PCDH11X: variants seen among roughly 807,000 people sequenced by gnomAD.
The protein encoded by PCDH11X is protocadherin 11 X-linked, also known as protocadherin-11 X-linked.
Under a neutral mutation model 53.3 loss-of-function variants are expected in PCDH11X, and 18 were observed. That is an observed-to-expected ratio of 0.34 (90% CI 0.23 to 0.50). The LOEUF (loss-of-function observed/expected upper bound fraction) is 0.50, where lower values mean the gene tolerates loss of function less well. Among genes scored for constraint, PCDH11X ranks in the 20% least tolerant of loss-of-function variants. PCDH11X has a pLI of 0.98. For missense variants in PCDH11X, 570 were observed against 1,032.4 expected (o/e 0.55, Z 6.14); for synonymous variants, 279 against 393.3 (o/e 0.71, Z 3.44).
chrX:92,096,583 A>C (rs924511611), intron 6 of PCDH11X, among the ~76,000 whole-genome samples: 1 of 110,331 alleles, frequency 9.1e-6, no homozygotes, highest in African/African-American at 3.3e-5. Flanking sequence ...AAAGAAAAAG[A>C]GGTTTAATGG....
intron 7 of PCDH11X, among the ~76,000 whole-genome samples, chrX:92,203,769 G>T (rs2066430703): frequency 8.9e-6 from 1 of 112,008 alleles, no homozygotes; most frequent in South Asian, 3.7e-4. Context: ...ATCATAGGGA[G>T]TGCTGAAGCT....
intron 10 of PCDH11X, among the ~76,000 whole-genome samples, chrX:92,575,971 C>A (rs1345172696): frequency 5.7e-5 from 2 of 35,011 alleles, no homozygotes; most frequent in Non-Finnish European, 9.9e-5. Context: ...ACACACACAC[C>A]TGGGGTGTAT....
At chrX:91,858,098 T>C (rs993974780) in intron 5 of PCDH11X, among the ~76,000 whole-genome samples, 1 of 109,641 alleles carries the variant, frequency 9.1e-6, no homozygotes, top group African/African-American at 3.3e-5. Context: ...CAAACCTCAG[T>C]TCTTGACTTC....
intron 8 of PCDH11X, among the ~76,000 whole-genome samples, chrX:92,277,384 C>G (rs191749559): frequency 3.1e-4 from 35 of 111,199 alleles, no homozygotes; most frequent in Non-Finnish European, 1.7e-4. Flanking sequence ...ATATTGGGGT[C>G]AAGCGGCATT....
intron 10 of PCDH11X, among the ~76,000 whole-genome samples, chrX:92,500,914 T>A (rs1325166788): frequency 2.7e-5 from 3 of 110,342 alleles, no homozygotes; most frequent in Non-Finnish European, 3.8e-5. Flanking sequence ...AAAACACTTT[T>A]AAAAAAATCA....
intron 6 of PCDH11X, among the ~76,000 whole-genome samples, chrX:91,948,111 C>T (rs775412049): frequency 9.7e-6 from 1 of 103,549 alleles, no homozygotes; most frequent in South Asian, 4.6e-4. Context: ...TCTTACTATT[C>T]TTGGATCCTT....
At position 91,794,091 on chromosome X, in the gene PCDH11X, T is replaced by C. The variant is rs1205491097; in HGVS notation, c.-379+14407T>C. 4.5e-5 allele frequency among the ~76,000 whole-genome samples: 5 copies of C among 112,186 alleles called. No homozygotes were observed. The East Asian group carries it at 1.4e-3, about 31-fold the overall frequency. On this transcript the variant is annotated intron_variant, in intron 1 of 10. Coordinates refer to ENST00000682573, the MANE Select transcript of PCDH11X (RefSeq NM_032968.5). ...TATTGTGCTGAAGTGCCACTGAATA[T>C]AAGAAAAACACTATCCTTTTTGTAA...
At chrX:92,340,590 G>A (rs762146437) in intron 8 of PCDH11X, among the ~76,000 whole-genome samples, 5 of 112,111 alleles carry the variant, frequency 4.5e-5, no homozygotes, top group Non-Finnish European at 9.4e-5. Flanking sequence ...GCAGTGGTGT[G>A]AGCTGTATCT....
chrX:92,221,814 T>C (rs1417179059), intron 7 of PCDH11X, among the ~76,000 whole-genome samples: 2 of 108,664 alleles, frequency 1.8e-5, no homozygotes, highest in Admixed American at 2.1e-4. Flanking sequence ...CCAGCATAAT[T>C]TCAGAGCAAA....
At chrX:92,593,195 G>A (rs1437795090) in intron 10 of PCDH11X, among the ~76,000 whole-genome samples, 1 of 110,561 alleles carries the variant, frequency 9.0e-6, no homozygotes, top group Non-Finnish European at 1.9e-5. Flanking sequence ...GGTAATAAAC[G>A]GCTTCTATGA....
rs1254195908 is a variant in PCDH11X, at chrX:92,618,623, C to T, written c.3727C>T (p.Leu1243Phe). The change falls in exon 11 of 11, where the codon CTC (leucine) becomes TTC (phenylalanine). Residue 1243 changes from leucine (L) to phenylalanine (F), a missense_variant. Transcript: ENST00000682573. ...CCCACCATCAGCACAGGCCTCAGCC[C>T]TCTGCTACAGCCCTCCTTTAGCACA... The part of the protein sequence containing the change: ...HSPPSAQASA[L>F]CYSPPLAQAA... 6.6e-6 allele frequency: 8 copies of T among 1,210,482 alleles called. No homozygotes were observed. The Middle Eastern group carries it at 6.9e-4, about 104-fold the overall frequency.
chrX:92,177,313 G>A (rs1366704853), intron 6 of PCDH11X, among the ~76,000 whole-genome samples: 1 of 111,290 alleles, frequency 9.0e-6, no homozygotes, highest in Non-Finnish European at 1.9e-5. Context: ...CTAGTTTGAG[G>A]CATGGTGCTC....
chrX:92,271,002 C>G (rs769380509), intron 8 of PCDH11X, among the ~76,000 whole-genome samples: 20 of 111,460 alleles, frequency 1.8e-4, no homozygotes, highest in African/African-American at 6.2e-4. Context: ...GCTTAACTAC[C>G]GCGATTCTCT....
rs1184592569 is a variant in PCDH11X at position 91,780,882 on chromosome X, G to C, written c.-379+1198G>C. On this transcript the variant is annotated intron_variant, in intron 1 of 10. Transcript: ENST00000682573. ...GTCACTTTCTCAGAGTGTATAGCCA[G>C]AGCCGCTTCCTTGCCTCTCCCAGGG... Among the ~76,000 whole-genome samples, 19 of 112,660 alleles carry C rather than the reference G, an allele frequency of 1.7e-4. 1 individual carries two copies. The Admixed American group carries it at 1.8e-3, about 11-fold the overall frequency.
intron 1 of PCDH11X, among the ~76,000 whole-genome samples, chrX:91,784,219 T>C (rs776905770): frequency 9.9e-6 from 1 of 101,279 alleles, no homozygotes; most frequent in African/African-American, 3.4e-5. Context: ...AGAAATATTA[T>C]TGTTGTTTGC....
At chrX:92,428,444 C>T (rs886816060) in intron 9 of PCDH11X, among the ~76,000 whole-genome samples, 2 of 111,006 alleles carry the variant, frequency 1.8e-5, no homozygotes, top group African/African-American at 6.6e-5. Context: ...TTGCCCTTTT[C>T]CGGTGTCCCT....
chrX:92,275,664 T>C (rs1326787855), intron 8 of PCDH11X, among the ~76,000 whole-genome samples: 3 of 111,864 alleles, frequency 2.7e-5, no homozygotes, highest in African/African-American at 9.8e-5. Flanking sequence ...AGGCACAGAT[T>C]CTGAACTAAC....
intron 6 of PCDH11X, among the ~76,000 whole-genome samples, chrX:91,948,609 C>A (rs778005868): frequency 9.1e-6 from 1 of 109,850 alleles, no homozygotes; most frequent in African/African-American, 3.3e-5. Flanking sequence ...TAAAGAAAAG[C>A]ATTATTTATA....
intron 6 of PCDH11X, among the ~76,000 whole-genome samples, chrX:91,966,271 A>G (rs2061862345): frequency 9.0e-6 from 1 of 111,198 alleles, no homozygotes; most frequent in South Asian, 3.9e-4. Context: ...ACCCAAAAAC[A>G]ACTGTCTATG....
Sources: allele counts gnomAD v4.1 joint callset (sites outside exome capture counted in the v4.1 genomes callset), GRCh38; gene constraint gnomAD v4.1.1; transcripts MANE v1.5; gene names NCBI Gene and HGNC (gene_info 2026-07-23, HGNC 2026-07-21).